Variants in UBAC2 observed in about 807,000 individuals in gnomAD.
UBAC2 encodes UBA domain containing 2, also known as ubiquitin-associated domain-containing protein 2.
Under a neutral mutation model 44.0 loss-of-function variants are expected in UBAC2, and 26 were observed. The ratio of observed to expected loss-of-function variants is 0.59; its 90% confidence interval spans 0.43 to 0.82. The LOEUF is 0.82. Among genes scored for constraint, UBAC2 ranks in the 40% least tolerant of loss-of-function variants. The pLI is 0.00. For missense variants in UBAC2, 329 were observed against 419.4 expected, an observed-to-expected ratio of 0.78 and a Z score of 1.88; for synonymous variants, 155 against 154.3, an observed-to-expected ratio of 1.00 and a Z score of -0.04.
intron 4 of UBAC2, among the ~76,000 whole-genome samples, chr13:99,290,392 C>A (rs551856096): frequency 2.0e-5 from 3 of 152,130 alleles, no homozygotes; most frequent in Non-Finnish European, 4.4e-5. Context: ...TTAGGTGTGC[C>A]AAGGCCAGTG....
intron 4 of UBAC2, among the ~76,000 whole-genome samples, chr13:99,303,717 T>G (rs1198313171): frequency 6.6e-6 from 1 of 152,204 alleles, no homozygotes; most frequent in Non-Finnish European, 1.5e-5. Context: ...AATATGTACC[T>G]TTTCTCTTTC....
chr13:99,314,349 C>G, intron 5 of UBAC2, 129 bp downstream of exon 5: 1 of 1,106,820 alleles, frequency 9.0e-7, no homozygotes, highest in Non-Finnish European at 1.2e-6. Context: ...GCTTCATGAT[C>G]TATATCAAAT....
intron 4 of UBAC2, among the ~76,000 whole-genome samples, chr13:99,283,621 C>G (rs2043980715): frequency 6.7e-6 from 1 of 149,744 alleles, no homozygotes; most frequent in Non-Finnish European, 1.5e-5. Flanking sequence ...GATTGAGTCA[C>G]TAAGTGACGG....
intron 4 of UBAC2, among the ~76,000 whole-genome samples, chr13:99,257,445 A>T (rs1435272790): frequency 1.3e-5 from 2 of 152,172 alleles, no homozygotes; most frequent in African/African-American, 4.8e-5. Flanking sequence ...ATTTTGTGAC[A>T]TAAGTCCTGT....
chr13:99,238,560 C>T lies in UBAC2; in HGVS notation c.159+6C>T. On this transcript the variant is annotated splice_donor_region_variant and intron_variant, in intron 2 of 8. Transcript: ENST00000403766. ...CAGTCAAGAACGACTTCCAGGTAAG[C>T]TCTGCCTCATTGGCCCCTGAGAGGA... 1.9e-6 allele frequency: 3 copies of T among 1,602,078 alleles called. No homozygotes were observed. Among genetic ancestry groups the T allele is most frequent in the African/African-American group, 1.3e-5 (1 of 74,874 alleles).
intron 1 of UBAC2, among the ~76,000 whole-genome samples, chr13:99,205,334 C>CG: frequency 6.6e-6 from 1 of 152,168 alleles, no homozygotes; most frequent in East Asian, 1.9e-4. Flanking sequence ...GGTGAGGATC[C>CG]GGGGCCCAGG....
intron 4 of UBAC2, chr13:99,312,929 G>A (rs2044431376): frequency 6.5e-6 from 1 of 153,002 alleles, no homozygotes; most frequent in Non-Finnish European, 1.5e-5. Context: ...GGATACTGGA[G>A]CCTATGGAAG....
At chr13:99,298,721 A>C (rs1011199451) in intron 4 of UBAC2, among the ~76,000 whole-genome samples, 8 of 152,182 alleles carry the variant, frequency 5.3e-5, no homozygotes, top group Admixed American at 6.5e-5. Flanking sequence ...ATAGAAAATC[A>C]TAGGGATTTC....
At chr13:99,369,823 T>C (rs2045381763) in intron 8 of UBAC2, among the ~76,000 whole-genome samples, 1 of 152,242 alleles carries the variant, frequency 6.6e-6, no homozygotes, top group Admixed American at 6.5e-5. Flanking sequence ...AAAGGACCTA[T>C]CAGTTATGTC....
At chr13:99,216,834 C>CTTTTCTTTT (rs955528835) in intron 1 of UBAC2, among the ~76,000 whole-genome samples, 2 of 140,624 alleles carry the variant, frequency 1.4e-5, no homozygotes, top group Non-Finnish European at 3.1e-5. Flanking sequence ...TTTCTTTTTT[C>CTTTTCTTTT]TTTTTTTTTT....
intron 4 of UBAC2, among the ~76,000 whole-genome samples, chr13:99,260,463 C>T (rs1181371168): frequency 6.6e-6 from 1 of 152,120 alleles, no homozygotes; most frequent in Non-Finnish European, 1.5e-5. Context: ...CAGGCAGGGA[C>T]ACTTTGACCA....
intron 4 of UBAC2, chr13:99,256,052 A>G: frequency 1.8e-6 from 1 of 543,132 alleles, no homozygotes; most frequent in Non-Finnish European, 3.2e-6. Flanking sequence ...ACTACTGAAC[A>G]TTCACAGTAA....
chr13:99,318,125 G>A (rs2044517740), intron 6 of UBAC2, 56 bp downstream of exon 6: 2 of 1,481,318 alleles, frequency 1.4e-6, no homozygotes, highest in African/African-American at 1.4e-5. Context: ...AAAAACATTA[G>A]GAAAATTGTC....
At chr13:99,312,512 T>G (rs1387127145) in intron 4 of UBAC2, among the ~76,000 whole-genome samples, 2 of 152,194 alleles carry the variant, frequency 1.3e-5, no homozygotes, top group East Asian at 1.9e-4. Context: ...AAGGACTGCT[T>G]CTTTCTCTTG....
chr13:99,228,597 A>G (rs895116867), intron 1 of UBAC2, among the ~76,000 whole-genome samples: 5 of 152,050 alleles, frequency 3.3e-5, no homozygotes, highest in South Asian at 2.1e-4. Context: ...CCCAGCCCCT[A>G]TATTTATTCT....
chr13:99,221,127 G>T (rs2043048193), intron 1 of UBAC2, among the ~76,000 whole-genome samples: 1 of 152,022 alleles, frequency 6.6e-6, no homozygotes, highest in South Asian at 2.1e-4. Context: ...TTCCCAATTA[G>T]ATATTCATAT....
At chr13:99,241,769 TG>T (rs1487910691) in intron 2 of UBAC2, among the ~76,000 whole-genome samples, 1 of 150,502 alleles carries the variant, frequency 6.6e-6, no homozygotes, top group Non-Finnish European at 1.5e-5. Flanking sequence ...TGATCATTCT[TG>T]GGTGTTTCTC....
intron 7 of UBAC2, among the ~76,000 whole-genome samples, chr13:99,347,332 CCCA>C (rs1335908751): frequency 3.1e-5 from 3 of 96,912 alleles, no homozygotes; most frequent in African/African-American, 9.7e-5. Context: ...CCCCCCCCCC[CCCA>C]GGAAAAAAAA....
chr13:99,295,328 C>T lies in UBAC2; in HGVS notation c.390-18769C>T, dbSNP rs757936050. ...GCTACATTCCAGGAAATTAGAGAAA[C>T]GAAGCTTCTTAATCATATGTTGAAT... On this transcript the variant is annotated intron_variant, in intron 4 of 8. Transcript: ENST00000403766. The surrounding 1 kb of genome is among the most constrained non-coding windows in gnomAD (Gnocchi z 4.1). 6 of 1,614,068 alleles carry T rather than the reference C, an allele frequency of 3.7e-6. No individual in the cohort carries two copies. Among genetic ancestry groups the T allele is most frequent in the East Asian group, 4.5e-5 (2 of 44,870 alleles).
Sources: allele counts gnomAD v4.1 joint callset (sites outside exome capture counted in the v4.1 genomes callset), GRCh38; gene constraint gnomAD v4.1.1; non-coding constraint Gnocchi (gnomAD v3.1); transcripts MANE v1.5; gene names NCBI Gene and HGNC (gene_info 2026-07-23, HGNC 2026-07-21).